Variants in P2RX5 observed in about 807,000 individuals in gnomAD.
P2RX5 encodes P2X purinoceptor 5.
A neutral mutation model predicts 54.1 loss-of-function variants in P2RX5; 46 were observed. That is an observed-to-expected ratio of 0.85 (90% CI 0.67 to 1.09). P2RX5 has a LOEUF of 1.09. Ranked by LOEUF, P2RX5 falls within the 50% of genes least tolerant of loss-of-function variation. P2RX5 has a pLI of 0.00. For synonymous variants in P2RX5, 226 were observed against 226.4 expected (o/e 1.00, Z 0.02); for missense variants, 566 against 549.8 (o/e 1.03, Z -0.29).
chr17:3,716,384 C>G, the P2RX5 span, among the ~76,000 whole-genome samples: 1 of 152,168 alleles, frequency 6.6e-6, no homozygotes. Context: ...TAGGGTTGAC[C>G]TTCCAGGCCC....
upstream of P2RX5, chr17:3,696,183 T>C (rs917641055): frequency 3.4e-5 from 16 of 465,862 alleles, no homozygotes; most frequent in Non-Finnish European, 5.3e-5. Context: ...CGGCCTTTTA[T>C]TGACGCGGTT....
In P2RX5 at chr17:3,688,089, G is replaced by A. The variant is rs140129051; in HGVS notation, c.904C>T (p.Arg302Ter). ...GYNFRFARYY[R>*]DAAGVEFRTL... is the part of the protein sequence containing the mutation. ...CGGAACTCCACCCCGGCTGCGTCTC[G>A]GTAATATCTGGCAAATCTGAGGGAG... Residue 302 changes from arginine (R) to a stop codon, truncating the protein, a stop_gained, in exon 9 of 12, where the codon CGA becomes TGA. Transcript: ENST00000225328. LOFTEE classifies it high-confidence loss of function. 2.4e-4 allele frequency: 382 copies of A among 1,599,916 alleles called. 3 individuals are homozygous for A. In the South Asian group the frequency reaches 3.8e-3, roughly 16 times the overall value.
intron 11 of P2RX5, chr17:3,677,184 C>T: frequency 1.0e-6 from 1 of 985,374 alleles, no homozygotes; most frequent in South Asian, 4.7e-5. Context: ...GGAATGAGGG[C>T]CTCCCTAACT....
chr17:3,675,362 A>G, intron 11 of P2RX5: 4 of 985,220 alleles, frequency 4.1e-6, no homozygotes, highest in Non-Finnish European at 4.8e-6. Context: ...TTGTTGCAAT[A>G]TGAAACAAAT....
the P2RX5 span, chr17:3,717,208 A>AT: frequency 5.2e-4 from 86 of 164,128 alleles, 3 homozygotes; most frequent in South Asian, 0.013. Context: ...CCTTTAAATG[A>AT]TCTCCAAGTC....
chr17:3,704,357 A>G, the P2RX5 span, among the ~76,000 whole-genome samples: 5 of 152,300 alleles, frequency 3.3e-5, no homozygotes. Flanking sequence ...CCAGAGAGAC[A>G]AGAGTGGGCA....
At chr17:3,718,848 ATT>A in the P2RX5 span, among the ~76,000 whole-genome samples, 3 of 152,140 alleles carry the variant, frequency 2.0e-5, no homozygotes, top group Non-Finnish European at 4.4e-5. Context: ...TATTATTTTT[ATT>A]TGTTAAAATC....
intron 7 of P2RX5, 92 bp from the exon 8 acceptor site, chr17:3,688,851 A>G: frequency 2.1e-6 from 3 of 1,441,316 alleles, no homozygotes; most frequent in South Asian, 2.3e-5. Context: ...GGACAATAGG[A>G]GGAGGTGCTC....
upstream of P2RX5, among the ~76,000 whole-genome samples, chr17:3,697,656 C>T (rs1335905447): frequency 6.6e-6 from 1 of 152,144 alleles, no homozygotes; most frequent in Non-Finnish European, 1.5e-5. Context: ...AGGCCCTGCC[C>T]CTCAAATTTT....
chr17:3,682,483 C>G (rs222775), intron 9 of P2RX5: 92,259 of 203,722 alleles, frequency 0.45, 22,315 homozygotes, highest in South Asian at 0.53. Flanking sequence ...GAGGGAGGAA[C>G]AAGCCTGTCA....
the P2RX5 span, among the ~76,000 whole-genome samples, chr17:3,704,693 G>A: frequency 6.6e-6 from 1 of 152,152 alleles, no homozygotes; most frequent in African/African-American, 2.4e-5. Context: ...CCAAATGCTA[G>A]TCCACTGGGC....
chr17:3,723,266 G>A, the P2RX5 span: 1 of 1,498,828 alleles, frequency 6.7e-7, no homozygotes, highest in Non-Finnish European at 9.3e-7. Context: ...AATCAAATCT[G>A]GAGCATTTCA....
intron 10 of P2RX5, 106 bp from the exon 11 acceptor site, chr17:3,679,890 C>A: frequency 1.1e-6 from 1 of 939,352 alleles, no homozygotes; most frequent in Non-Finnish European, 1.7e-6. Context: ...AGGCCGCCAC[C>A]CTGCTTCCTC....
intron 11 of P2RX5, 95 bp downstream of exon 11, chr17:3,679,495 G>C (rs1001241085): frequency 1.1e-4 from 124 of 1,093,726 alleles, no homozygotes; most frequent in Non-Finnish European, 1.6e-4. Context: ...CAGAGCAGAG[G>C]GGTCCGCTGG....
In P2RX5 at chr17:3,679,661, G is replaced by T. The variant is rs749623333; in HGVS notation, c.1188C>A (p.Pro396=). 5 of 1,610,986 alleles carry T rather than the reference G, an allele frequency of 3.1e-6. No homozygotes were observed. In the African/African-American group the frequency reaches 4.0e-5, roughly 13 times the overall value. The change falls in exon 11 of 12, where the codon CCC becomes CCA. Residue 396 remains proline, a synonymous_variant. Coordinates refer to ENST00000225328, the MANE Select transcript of P2RX5 (RefSeq NM_002561.4). ...MPEQQELQEP[P]EAKRGSSSQK... is the part of the protein sequence containing the mutation. ...GACTGCTGCTTCCACGCTTCGCCTC[G>T]GGTGGCTCCTGCAGCTCCTGCTGCT...
chr17:3,698,900 C>T (rs1242192847), upstream of P2RX5, among the ~76,000 whole-genome samples: 7 of 151,928 alleles, frequency 4.6e-5, no homozygotes, highest in East Asian at 1.2e-3. Flanking sequence ...AATTACTGGG[C>T]GACAACCAGC....
At chr17:3,684,680 A>G (rs1427026659) in intron 9 of P2RX5, among the ~76,000 whole-genome samples, 3 of 152,172 alleles carry the variant, frequency 2.0e-5, no homozygotes, top group African/African-American at 7.2e-5. Flanking sequence ...AAAACAAACA[A>G]AAACCTCCTA....
At chr17:3,699,094 C>CAT (rs57191097), upstream of P2RX5, among the ~76,000 whole-genome samples, 977 of 106,974 alleles carry the variant, frequency 9.1e-3, 19 homozygotes, top group East Asian at 0.044. Context: ...CACACACACA[C>CAT]CTATATATAT....
At chr17:3,699,917 G>GGAAAGAAA (rs71362545), upstream of P2RX5, among the ~76,000 whole-genome samples, 487 of 75,468 alleles carry the variant, frequency 6.5e-3, 19 homozygotes, top group Non-Finnish European at 9.4e-3. Context: ...AAGGAAGGAA[G>GGAAAGAAA]GAAAGAAAGA....
Sources: gnomAD v4.1 joint callset for allele counts (sites outside exome capture counted in the v4.1 genomes callset) on GRCh38, gnomAD v4.1.1 for gene constraint, MANE v1.5 for transcripts, NCBI Gene and HGNC (gene_info 2026-07-23, HGNC 2026-07-21) for gene names.